The following ANO2 variants were observed in gnomAD, a reference collection of about 807,000 sequenced individuals.
ANO2 encodes anoctamin-2.
In ANO2, 101 loss-of-function variants were observed where a neutral mutation model predicts 124.2. The observed-to-expected ratio is 0.81, with a 90% CI of 0.69 to 0.96. ANO2 has a LOEUF of 0.96. Ranked by LOEUF, ANO2 falls within the 40% of genes least tolerant of loss-of-function variation. The pLI, the probability that ANO2 is intolerant of heterozygous loss-of-function variation, is 0.00. For synonymous variants in ANO2, 486 were observed against 482.5 expected (o/e 1.01, Z -0.09); for missense variants, 1,293 against 1,274.5 (o/e 1.01, Z -0.22).
chr12:5,565,225 G>C (rs1941677939), intron 24 of ANO2, among the ~76,000 whole-genome samples: 1 of 152,176 alleles, frequency 6.6e-6, no homozygotes, highest in Non-Finnish European at 1.5e-5. Flanking sequence ...GTCTGCCCCA[G>C]GCTGGGACTC....
chr12:5,782,219 T>C (rs1952420914), intron 10 of ANO2, among the ~76,000 whole-genome samples: 1 of 152,240 alleles, frequency 6.6e-6, no homozygotes, highest in African/African-American at 2.4e-5. Context: ...TAATATTCTT[T>C]TCCCAGACCC....
At chr12:5,913,189 C>G (rs1311108235) in intron 3 of ANO2, among the ~76,000 whole-genome samples, 1 of 152,208 alleles carries the variant, frequency 6.6e-6, no homozygotes, top group Admixed American at 6.5e-5. Flanking sequence ...CCTAAGGATT[C>G]TAAGCCCTAG....
At chr12:5,813,684 C>T (rs554750755) in intron 7 of ANO2, among the ~76,000 whole-genome samples, 1 of 152,300 alleles carries the variant, frequency 6.6e-6, no homozygotes, top group Admixed American at 6.5e-5. Context: ...CTGAGGCCTG[C>T]GGACATCACG....
intron 3 of ANO2, among the ~76,000 whole-genome samples, chr12:5,883,291 G>A (rs1298994871): frequency 6.6e-6 from 1 of 152,142 alleles, no homozygotes; most frequent in African/African-American, 2.4e-5. Context: ...GTCCCCCAGG[G>A]TTTGGACCAC....
intron 20 of ANO2, among the ~76,000 whole-genome samples, chr12:5,586,162 G>A (rs996803728): frequency 4.6e-5 from 7 of 152,150 alleles, no homozygotes; most frequent in East Asian, 1.9e-4. Flanking sequence ...TTTGTGGTAC[G>A]CTGAGGGCTG....
intron 14 of ANO2, among the ~76,000 whole-genome samples, chr12:5,677,827 C>T (rs1173311833): frequency 6.6e-6 from 1 of 152,206 alleles, no homozygotes; most frequent in Non-Finnish European, 1.5e-5. Flanking sequence ...TCTTCCCTGC[C>T]GTTCCCACTT....
intron 7 of ANO2, among the ~76,000 whole-genome samples, chr12:5,807,732 T>C (rs915889936): frequency 6.6e-6 from 1 of 152,214 alleles, no homozygotes; most frequent in Non-Finnish European, 1.5e-5. Context: ...AATCATGATC[T>C]ATAAAAGTGT....
At position 5,575,735 on chromosome 12, in the gene ANO2, C is replaced by T. The variant is rs1172300491; in HGVS notation, c.2621+99G>A. ...TGTGGTCTGCTGTTGTCCAAAACAT[C>T]ATCATGTTGTGCAGGGTTGTAATTC... On this transcript the variant is annotated intron_variant, in intron 23 of 24. Coordinates refer to ENST00000682330, the MANE Select transcript of ANO2 (RefSeq NM_001364791.2). The T allele has an allele frequency of 1.0e-5, 14 of 1,359,770 alleles. No individual in the cohort carries two copies. In the East Asian group the frequency reaches 3.1e-4, roughly 30 times the overall value. 84.2% of individuals were successfully genotyped at this position (1,359,770 alleles called of 1,614,324 possible). A position where few individuals can be genotyped will look rare whatever the true frequency, so the allele number is the denominator to read the frequency against.
In ANO2 at chr12:5,922,814, G is replaced by T; in HGVS notation, c.23-10C>A. 6.8e-7 allele frequency: 1 copy of T among 1,481,010 alleles called. No homozygotes were observed. The highest frequency in any genetic ancestry group is 1.4e-5 in the South Asian group (1 of 72,014). 91.7% of individuals were successfully genotyped at this position (1,481,010 alleles called of 1,614,324 possible). A position where few individuals can be genotyped will look rare whatever the true frequency, so the allele number is the denominator to read the frequency against. Reference sequence around the variant, plus strand: ...GGGAGCAGGGGTATATCTGTGAGAGGGAAAGACAAGGGAGGCAAAACAGCC... The same window carrying T: ...GGGAGCAGGGGTATATCTGTGAGAGTGAAAGACAAGGGAGGCAAAACAGCC... On this transcript the variant is annotated splice_polypyrimidine_tract_variant and intron_variant, in intron 1 of 24. Coordinates refer to ENST00000682330, the MANE Select transcript of ANO2 (RefSeq NM_001364791.2).
chr12:5,851,891 G>A (rs187376093), intron 4 of ANO2: 2 of 720,928 alleles, frequency 2.8e-6, no homozygotes, highest in East Asian at 2.5e-5. Flanking sequence ...TGTGTCTCTA[G>A]GTTTCCCCTA....
At chr12:5,849,605 C>T (rs916572477) in intron 4 of ANO2, among the ~76,000 whole-genome samples, 14 of 152,188 alleles carry the variant, frequency 9.2e-5, no homozygotes, top group Admixed American at 6.5e-4. Context: ...AAAACAAATG[C>T]TTCCTTCCAA....
At chr12:5,728,406 A>T (rs1449781988) in intron 14 of ANO2, among the ~76,000 whole-genome samples, 1 of 152,162 alleles carries the variant, frequency 6.6e-6, no homozygotes, top group African/African-American at 2.4e-5. Context: ...TTTCAATAGC[A>T]TCAAAAAAAT....
chr12:5,734,323 C>G (rs944502476), intron 13 of ANO2, among the ~76,000 whole-genome samples: 2 of 152,248 alleles, frequency 1.3e-5, no homozygotes. Flanking sequence ...GGTTCTCCCC[C>G]ATGGCCTCTG....
chr12:5,730,199 T>C (rs1950580789), intron 14 of ANO2, among the ~76,000 whole-genome samples: 1 of 152,228 alleles, frequency 6.6e-6, no homozygotes, highest in Non-Finnish European at 1.5e-5. Context: ...AAAATATGCA[T>C]ATTGAATTGT....
intron 3 of ANO2, among the ~76,000 whole-genome samples, chr12:5,882,091 T>A (rs899626901): frequency 7.2e-5 from 11 of 152,082 alleles, no homozygotes; most frequent in South Asian, 4.2e-4. Context: ...CAGACAAGTA[T>A]TTTTTTTCTT....
At chr12:5,771,417 G>A (rs1304362583) in intron 10 of ANO2, among the ~76,000 whole-genome samples, 1 of 152,010 alleles carries the variant, frequency 6.6e-6, no homozygotes, top group Non-Finnish European at 1.5e-5. Flanking sequence ...AAGCCTCCCA[G>A]CTTAAAAAGT....
intron 1 of ANO2, among the ~76,000 whole-genome samples, chr12:5,938,693 C>T (rs1382489193): frequency 1.3e-5 from 2 of 152,026 alleles, no homozygotes; most frequent in African/African-American, 4.8e-5. Flanking sequence ...GGTGTGGTGG[C>T]AGGCACCTGT....
intron 14 of ANO2, among the ~76,000 whole-genome samples, chr12:5,661,639 G>A (rs1241207129): frequency 6.6e-6 from 1 of 152,142 alleles, no homozygotes; most frequent in East Asian, 1.9e-4. Flanking sequence ...CAGAGGCTGG[G>A]ATGGGACATG....
In ANO2 at chr12:5,888,974, A is replaced by G. The variant is rs528336755; in HGVS notation, c.534+32066T>C. Reference sequence around the variant, plus strand: ...TGTGCTCGTTGGGGAGGCTGGGGCCACGCAGGAGCCCACAGCTGGGGAGGC... The same window carrying G: ...TGTGCTCGTTGGGGAGGCTGGGGCCGCGCAGGAGCCCACAGCTGGGGAGGC... On this transcript the variant is annotated intron_variant, in intron 3 of 24. Transcript: ENST00000682330. Among the ~76,000 whole-genome samples, 822 of 152,308 alleles carry G rather than the reference A, an allele frequency of 5.4e-3. 6 individuals carry two copies. Among genetic ancestry groups the G allele is most frequent in the African/African-American group, 0.019 (798 of 41,566 alleles).
Sources: allele counts gnomAD v4.1 joint callset (sites outside exome capture counted in the v4.1 genomes callset), GRCh38; gene constraint gnomAD v4.1.1; transcripts MANE v1.5; gene names NCBI Gene and HGNC (gene_info 2026-07-23, HGNC 2026-07-21).